The following TKT variants were observed in gnomAD, a reference collection of about 807,000 sequenced individuals.
TKT encodes the protein epididymis luminal protein 107.
TKT carries 47 observed loss-of-function variants against 63.9 expected under a neutral mutation model. That is an observed-to-expected ratio of 0.74 (90% CI 0.58 to 0.94). TKT has a LOEUF of 0.94. Ranked by LOEUF, TKT falls within the 40% of genes least tolerant of loss-of-function variation. TKT has a pLI of 0.00. For missense variants in TKT, 721 were observed against 846.2 expected, an observed-to-expected ratio of 0.85 and a Z score of 1.84; for synonymous variants, 338 against 334.1, an observed-to-expected ratio of 1.01 and a Z score of -0.13.
At chr3:53,237,725 A>G (rs1705100476) in intron 4 of TKT, 1 of 152,276 alleles carries the variant, frequency 6.6e-6, no homozygotes, top group South Asian at 2.1e-4. Flanking sequence ...GATTGAGACC[A>G]TCCTGGCTAA....
chr3:53,238,076 C>T (rs1429883656), intron 4 of TKT, among the ~76,000 whole-genome samples: 2 of 152,128 alleles, frequency 1.3e-5, no homozygotes, highest in Non-Finnish European at 2.9e-5. Flanking sequence ...CATGATAATC[C>T]CTGGATGCCC....
chr3:53,254,703 A>G (rs1287856617), intron 1 of TKT, among the ~76,000 whole-genome samples: 2 of 151,958 alleles, frequency 1.3e-5, no homozygotes, highest in Non-Finnish European at 2.9e-5. Context: ...AGTCCTTGAA[A>G]CCACCCAGCG....
intron 2 of TKT, chr3:53,241,877 T>G: frequency 2.8e-5 from 14 of 502,118 alleles, no homozygotes; most frequent in Middle Eastern, 5.6e-4. Flanking sequence ...TCCATTTCTT[T>G]GAGTTAAAGC....
chr3:53,242,828 T>A (rs539296651), intron 1 of TKT, among the ~76,000 whole-genome samples: 1 of 152,056 alleles, frequency 6.6e-6, no homozygotes, highest in South Asian at 2.1e-4. Context: ...GCTCATGGAG[T>A]TACCACAGAC....
At chr3:53,238,835 A>T (rs1165295805) in intron 4 of TKT, among the ~76,000 whole-genome samples, 1 of 152,222 alleles carries the variant, frequency 6.6e-6, no homozygotes, top group Non-Finnish European at 1.5e-5. Context: ...CCCAACTCAC[A>T]GGGGGCTTTT....
intron 4 of TKT, among the ~76,000 whole-genome samples, chr3:53,237,495 T>TACACACACACACAC (rs3075727): frequency 4.9e-4 from 71 of 144,896 alleles, no homozygotes; most frequent in East Asian, 3.3e-3. Context: ...TTTTATATTA[T>TACACACACACACAC]ACACACACAC....
chr3:53,228,017 G>A, intron 12 of TKT, 39 bp downstream of exon 12: 3 of 1,578,116 alleles, frequency 1.9e-6, no homozygotes, highest in Non-Finnish European at 2.6e-6. Flanking sequence ...GCATGCAGTG[G>A]CCGCTCAGTT....
rs372967815 is a variant in TKT at position 53,228,003 on chromosome 3, CCT to C, written c.1573+51_1573+52del. 22 of 1,492,886 alleles carry C rather than the reference CCT, an allele frequency of 1.5e-5. No individual in the cohort carries two copies. The South Asian group carries it at 1.8e-4, about 12-fold the overall frequency. The allele number at this position is 1,492,886 out of a possible 1,614,324, so 92.5% of individuals were successfully genotyped here. The stretch of plus-strand genomic sequence containing the variant: ...AAGAACGAAAGAAAGAACCCCAAGA[CCT>C]AGCATGCAGTGGCCGCTCAGTTGAT... On this transcript the variant is annotated intron_variant, in intron 12 of 13. Coordinates refer to ENST00000462138, the MANE Select transcript of TKT (RefSeq NM_001064.4).
At chr3:53,254,485 G>A (rs1187746864) in intron 1 of TKT, among the ~76,000 whole-genome samples, 5 of 152,346 alleles carry the variant, frequency 3.3e-5, no homozygotes, top group African/African-American at 1.2e-4. Flanking sequence ...GGGTGAATGC[G>A]TATCCACCCA....
In TKT at chr3:53,225,477, C is replaced by T. The variant is rs75821915; in HGVS notation, c.*279G>A. 3.4e-5 allele frequency: 10 copies of T among 293,704 alleles called. No homozygotes were observed. The highest frequency in any genetic ancestry group is 5.1e-5 in the Admixed American group (1 of 19,594). 18.2% of individuals were successfully genotyped at this position (293,704 alleles called of 1,614,324 possible). A position where few individuals can be genotyped will look rare whatever the true frequency, so the allele number is the denominator to read the frequency against. On this transcript the variant is annotated 3_prime_UTR_variant, in exon 14 of 14. Coordinates refer to ENST00000462138, the MANE Select transcript of TKT (RefSeq NM_001064.4). ...TCACCTGGTGATGAATGGGAGGCAG[C>T]GATAGTTCTGGAGGTTGAGGGCAGT...
chr3:53,255,979 C>A lies in TKT; in HGVS notation c.-37G>T. ...CGGGGACCGGGCGCACACGCGGACA[C>A]ACAGAGATAGCGGCTGCTCCCGCGG... On this transcript the variant is annotated 5_prime_UTR_variant, in exon 1 of 14. Transcript: ENST00000462138. 7.0e-7 allele frequency: 1 copy of A among 1,426,452 alleles called. No individual in the cohort carries two copies. Among genetic ancestry groups the A allele is most frequent in the Non-Finnish European group, 9.4e-7 (1 of 1,064,048 alleles). 88.4% of individuals were successfully genotyped at this position (1,426,452 alleles called of 1,614,324 possible).
At position 53,252,191 on chromosome 3, in the gene TKT, A is replaced by T. The variant is rs941213612; in HGVS notation, c.107+3645T>A. On this transcript the variant is annotated intron_variant, in intron 1 of 13. Coordinates refer to ENST00000462138, the MANE Select transcript of TKT (RefSeq NM_001064.4). ...CCTGTGAGCTCCCCCAGAAAAGGGG[A>T]CATTCTGACAAACTGTCACTTTAGC... Among the ~76,000 whole-genome samples, 3 of 152,248 alleles carry T rather than the reference A, an allele frequency of 2.0e-5. No individual in the cohort carries two copies. In the East Asian group the frequency reaches 5.8e-4, roughly 29 times the overall value.
At chr3:53,239,764 G>C in intron 4 of TKT, among the ~76,000 whole-genome samples, 1 of 152,216 alleles carries the variant, frequency 6.6e-6, no homozygotes, top group East Asian at 1.9e-4. Context: ...CCTGCTGATA[G>C]GAGGTGGCTT....
At chr3:53,232,060 C>T (rs1166957245) in intron 6 of TKT, 1 of 324,426 alleles carries the variant, frequency 3.1e-6, no homozygotes, top group Admixed American at 4.7e-5. Flanking sequence ...AGCACCTAGG[C>T]ATGCCCACCC....
chr3:53,237,456 G>C (rs1257353698), intron 4 of TKT, among the ~76,000 whole-genome samples: 1 of 150,612 alleles, frequency 6.6e-6, no homozygotes, highest in Non-Finnish European at 1.5e-5. Flanking sequence ...GCTCATGATA[G>C]AAGGCTTGGT....
chr3:53,237,401 A>G (rs1705079191), intron 4 of TKT, among the ~76,000 whole-genome samples: 1 of 151,408 alleles, frequency 6.6e-6, no homozygotes, highest in Non-Finnish European at 1.5e-5. Context: ...AAAACAAAAC[A>G]AAACAAAAAA....
chr3:53,241,701 T>A (rs1553679914), intron 2 of TKT, among the ~76,000 whole-genome samples: 2 of 152,118 alleles, frequency 1.3e-5, no homozygotes, highest in Non-Finnish European at 1.5e-5. Context: ...TCCAAAACCC[T>A]GCTACAGCAC....
chr3:53,247,043 T>C (rs1316768689), intron 1 of TKT, among the ~76,000 whole-genome samples: 1 of 151,006 alleles, frequency 6.6e-6, no homozygotes, highest in Non-Finnish European at 1.5e-5. Context: ...ACATCATTTA[T>C]CTTCTTCTTT....
intron 5 of TKT, 126 bp from the exon 6 acceptor site, chr3:53,233,400 G>T: frequency 1.7e-6 from 1 of 587,468 alleles, no homozygotes; most frequent in Non-Finnish European, 2.8e-6. Context: ...TGCGGCCTCA[G>T]CTGGAGTAGT....
Sources: allele counts gnomAD v4.1 joint callset (sites outside exome capture counted in the v4.1 genomes callset), GRCh38; gene constraint gnomAD v4.1.1; transcripts MANE v1.5; gene names NCBI Gene and HGNC (gene_info 2026-07-23, HGNC 2026-07-21).